The following TENM3 variants were observed in gnomAD, a reference collection of about 807,000 sequenced individuals.
TENM3 encodes the protein teneurin-3.
A neutral mutation model predicts 255.1 loss-of-function variants in TENM3; 63 were observed. The observed-to-expected ratio is 0.25, with a 90% CI of 0.20 to 0.30. TENM3 has a LOEUF of 0.30. Among genes scored for constraint, TENM3 ranks in the 10% least tolerant of loss-of-function variants. The pLI, the probability that TENM3 is intolerant of heterozygous loss-of-function variation, is 1.00. For synonymous variants in TENM3, 1,306 were observed against 1,322.3 expected (o/e 0.99, Z 0.27); for missense variants, 2,929 against 3,461.1 (o/e 0.85, Z 3.86).
intron 1 of TENM3, among the ~76,000 whole-genome samples, chr4:182,310,580 C>T (rs1762382443): frequency 6.6e-6 from 1 of 152,166 alleles, no homozygotes; most frequent in Non-Finnish European, 1.5e-5. Flanking sequence ...CATTCTTAAC[C>T]AGTCCCTGAG....
the TENM3 span, among the ~76,000 whole-genome samples, chr4:181,737,893 C>T: frequency 6.7e-6 from 1 of 149,522 alleles, no homozygotes; most frequent in Non-Finnish European, 1.5e-5. Flanking sequence ...TTATCAGGCA[C>T]ACGAGATTGG....
At chr4:182,493,297 G>C (rs566107134) in intron 3 of TENM3, among the ~76,000 whole-genome samples, 2 of 152,218 alleles carry the variant, frequency 1.3e-5, no homozygotes, top group African/African-American at 4.8e-5. Flanking sequence ...ACCATTGAGG[G>C]AATATGTATT....
the TENM3 span, among the ~76,000 whole-genome samples, chr4:181,815,048 G>A: frequency 8.5e-5 from 13 of 152,072 alleles, no homozygotes; most frequent in African/African-American, 2.9e-4. Flanking sequence ...AGAAAAAGGA[G>A]AATACATCTA....
chr4:181,767,195 T>C, the TENM3 span, among the ~76,000 whole-genome samples: 8 of 135,874 alleles, frequency 5.9e-5, no homozygotes, highest in African/African-American at 2.2e-4. Flanking sequence ...GAGCTTGCAG[T>C]GAGCCGAGAA....
At chr4:181,710,120 G>A in the TENM3 span, among the ~76,000 whole-genome samples, 2 of 152,078 alleles carry the variant, frequency 1.3e-5, no homozygotes, top group African/African-American at 4.8e-5. Context: ...CACATACATA[G>A]TTTTTAATGC....
the TENM3 span, among the ~76,000 whole-genome samples, chr4:181,713,028 A>T: frequency 6.6e-6 from 1 of 152,224 alleles, no homozygotes; most frequent in Non-Finnish European, 1.5e-5. Context: ...CAGGTAAAAA[A>T]GGAAATTATT....
chr4:181,559,704 A>G, the TENM3 span, among the ~76,000 whole-genome samples: 1 of 152,198 alleles, frequency 6.6e-6, no homozygotes, highest in Non-Finnish European at 1.5e-5. Context: ...TAATGTGGCA[A>G]TGTCACGCCT....
chr4:181,520,523 C>CAAACA, the TENM3 span, among the ~76,000 whole-genome samples: 16 of 152,024 alleles, frequency 1.1e-4, no homozygotes, highest in African/African-American at 3.9e-4. Flanking sequence ...AACTATGCCT[C>CAAACA]AAACAAAACA....
At chr4:181,992,800 A>C in the TENM3 span, among the ~76,000 whole-genome samples, 1 of 152,154 alleles carries the variant, frequency 6.6e-6, no homozygotes, top group Non-Finnish European at 1.5e-5. Context: ...ATAATGGGAG[A>C]AATGCAAACC....
At chr4:181,472,581 G>A in the TENM3 span, among the ~76,000 whole-genome samples, 3 of 152,034 alleles carry the variant, frequency 2.0e-5, no homozygotes, top group African/African-American at 7.3e-5. Flanking sequence ...GCAAGGGCAG[G>A]AAATCCTCCT....
intron 13 of TENM3, among the ~76,000 whole-genome samples, chr4:182,721,949 TC>T (rs1290687639): frequency 6.6e-6 from 1 of 152,174 alleles, no homozygotes; most frequent in Non-Finnish European, 1.5e-5. Flanking sequence ...CATTATATAT[TC>T]TACTTATTCT....
the TENM3 span, among the ~76,000 whole-genome samples, chr4:182,103,046 T>C: frequency 1.3e-5 from 2 of 152,196 alleles, no homozygotes; most frequent in Admixed American, 6.5e-5. Context: ...CCATTCAAAA[T>C]AAAAAATTTA....
chr4:182,213,950 C>T (rs113772710), intron 1 of TENM3, among the ~76,000 whole-genome samples: 9,508 of 151,936 alleles, frequency 0.063, 396 homozygotes, highest in Non-Finnish European at 0.092. Context: ...TACAGGCGCC[C>T]GCCACCACGC....
intron 3 of TENM3, among the ~76,000 whole-genome samples, chr4:182,356,715 TA>T (rs1272122696): frequency 1.3e-5 from 2 of 151,886 alleles, no homozygotes; most frequent in Admixed American, 6.6e-5. Flanking sequence ...TTAAAATTAT[TA>T]TTTTTTTATT....
At chr4:182,246,378 A>G (rs1757650610) in intron 1 of TENM3, among the ~76,000 whole-genome samples, 1 of 131,856 alleles carries the variant, frequency 7.6e-6, no homozygotes, top group African/African-American at 3.0e-5. Flanking sequence ...ATAACATTTT[A>G]GATAAGCAGT....
chr4:182,546,193 G>C (rs574005731), intron 3 of TENM3, among the ~76,000 whole-genome samples: 130 of 152,204 alleles, frequency 8.5e-4, no homozygotes, highest in Admixed American at 2.7e-3. Context: ...TGCTGTCCCA[G>C]AGGTGGCACA....
At chr4:181,475,905 A>G in the TENM3 span, among the ~76,000 whole-genome samples, 147,639 of 152,318 alleles carry the variant, frequency 0.97, 71,629 homozygotes, top group Non-Finnish European at 0.99. Context: ...TGGCTCTGGC[A>G]AGGGGCACCG....
At chr4:181,934,545 A>T in the TENM3 span, among the ~76,000 whole-genome samples, 1 of 152,178 alleles carries the variant, frequency 6.6e-6, no homozygotes, top group Admixed American at 6.5e-5. Flanking sequence ...TATGGATGGG[A>T]CTGGAATGAG....
At chr4:181,952,971 G>A in the TENM3 span, among the ~76,000 whole-genome samples, 1 of 152,188 alleles carries the variant, frequency 6.6e-6, no homozygotes, top group Admixed American at 6.5e-5. Flanking sequence ...TGTGGCCATG[G>A]CCCCACGGGG....
Sources: gnomAD v4.1 joint callset for allele counts (sites outside exome capture counted in the v4.1 genomes callset) on GRCh38, gnomAD v4.1.1 for gene constraint, MANE v1.5 for transcripts, NCBI Gene and HGNC (gene_info 2026-07-23, HGNC 2026-07-21) for gene names.